ATP2B2: variants seen among roughly 807,000 people sequenced by gnomAD.
ATP2B2 encodes the protein plasma membrane calcium-transporting ATPase 2.
In ATP2B2, 15 loss-of-function variants were observed where a neutral mutation model predicts 120.0. The observed-to-expected ratio is 0.12, with a 90% confidence interval of 0.08 to 0.19. ATP2B2 has a LOEUF of 0.19. ATP2B2 is among the 10% of genes least tolerant of loss of function. ATP2B2 has a pLI of 1.00. For synonymous variants in ATP2B2, 694 were observed against 700.3 expected, an observed-to-expected ratio of 0.99 and a Z score of 0.14; for missense variants, 1,045 against 1,719.8, an observed-to-expected ratio of 0.61 and a Z score of 6.94.
chr3:10,540,808 T>C (rs888076016), intron 2 of ATP2B2, among the ~76,000 whole-genome samples: 1 of 151,766 alleles, frequency 6.6e-6, no homozygotes, highest in African/African-American at 2.4e-5. Flanking sequence ...ACATGGTACA[T>C]GTATACATAT....
At chr3:10,372,077 C>A (rs776659875) in intron 11 of ATP2B2, 26 bp from the exon 12 acceptor site, 2 of 1,613,876 alleles carry the variant, frequency 1.2e-6, no homozygotes, top group Admixed American at 3.3e-5. Flanking sequence ...GGTGAGAGGG[C>A]AACAGTGAGG....
intron 2 of ATP2B2, among the ~76,000 whole-genome samples, chr3:10,436,683 G>C (rs1274978540): frequency 6.6e-6 from 1 of 152,158 alleles, no homozygotes. Context: ...CTCCAACTTG[G>C]AGAGCCCACT....
intron 1 of ATP2B2, among the ~76,000 whole-genome samples, chr3:10,453,024 T>C (rs528801401): frequency 3.3e-5 from 5 of 152,364 alleles, no homozygotes; most frequent in African/African-American, 1.2e-4. Flanking sequence ...GCTACTGATA[T>C]ATAACATTGC....
At chr3:10,488,531 T>C (rs1005462052) in intron 1 of ATP2B2, among the ~76,000 whole-genome samples, 15 of 107,112 alleles carry the variant, frequency 1.4e-4, no homozygotes, top group South Asian at 9.3e-4. Context: ...TCCTTCCTTC[T>C]TTCCTTCCTT....
chr3:10,662,670 G>A (rs59308498), intron 1 of ATP2B2, among the ~76,000 whole-genome samples: 32,638 of 150,958 alleles, frequency 0.22, 5,898 homozygotes, highest in African/African-American at 0.49. Context: ...CATCTATTGT[G>A]GAAGACTGTG....
chr3:10,434,315 T>G (rs746357494), intron 2 of ATP2B2, among the ~76,000 whole-genome samples: 10 of 152,256 alleles, frequency 6.6e-5, no homozygotes, highest in Non-Finnish European at 1.5e-4. Context: ...TGATCTCCTG[T>G]GGCCCTGGCA....
intron 1 of ATP2B2, among the ~76,000 whole-genome samples, chr3:10,650,325 G>A (rs2070424536): frequency 6.6e-6 from 1 of 152,164 alleles, no homozygotes; most frequent in Non-Finnish European, 1.5e-5. Context: ...CCCTGCCCTA[G>A]AGATTTGTGG....
intron 1 of ATP2B2, among the ~76,000 whole-genome samples, chr3:10,632,342 C>T (rs975601731): frequency 2.0e-5 from 3 of 152,208 alleles, no homozygotes; most frequent in African/African-American, 4.8e-5. Context: ...CCCGTTTTCA[C>T]GCAGCATGAC....
chr3:10,388,341 C>T lies in ATP2B2; in HGVS notation c.843G>A (p.Gln281=). The T allele has an allele frequency of 6.2e-7, 1 of 1,614,198 alleles. No individual in the cohort carries two copies. Among genetic ancestry groups the T allele is most frequent in the Admixed American group, 1.7e-5 (1 of 60,030 alleles). Residue 281 remains glutamine (Q), a synonymous_variant, in exon 6 of 23, where the codon CAG becomes CAA. Coordinates refer to ENST00000360273, the MANE Select transcript of ATP2B2 (RefSeq NM_001001331.4). ...CCAGGAGGGTAAAGATGATGCCAGT[C>T]TGAGAGTTCACACCCACAGCAGTCA... ...MLVTAVGVNS[Q]TGIIFTLLGA... is the part of the protein sequence containing the mutation.
chr3:10,464,230 C>A (rs181012297), intron 1 of ATP2B2, among the ~76,000 whole-genome samples: 1 of 152,134 alleles, frequency 6.6e-6, no homozygotes, highest in Admixed American at 6.5e-5. Flanking sequence ...CACTCCCCAG[C>A]GCAGCCGAGT....
intron 1 of ATP2B2, among the ~76,000 whole-genome samples, chr3:10,623,588 G>C (rs140166990): frequency 6.6e-6 from 1 of 152,280 alleles, no homozygotes; most frequent in Admixed American, 6.5e-5. Context: ...TTTATCCTTC[G>C]AAAGTTCAGG....
intron 2 of ATP2B2, among the ~76,000 whole-genome samples, chr3:10,563,085 C>A (rs200851524): frequency 6.6e-6 from 1 of 152,176 alleles, no homozygotes; most frequent in Non-Finnish European, 1.5e-5. Context: ...TTCTGTTTTT[C>A]CTTTTTTAAA....
chr3:10,413,236 T>C (rs6801684), intron 2 of ATP2B2, among the ~76,000 whole-genome samples: 3,199 of 152,278 alleles, frequency 0.021, 109 homozygotes, highest in African/African-American at 0.072. Context: ...TCCAGCAGCC[T>C]GTGGTTTGGG....
intron 1 of ATP2B2, among the ~76,000 whole-genome samples, chr3:10,672,092 A>T (rs2071114063): frequency 6.6e-6 from 1 of 152,214 alleles, no homozygotes. Context: ...AACAATTGAT[A>T]AGGTGTTTTG....
At chr3:10,454,586 G>A (rs1248526264) in intron 1 of ATP2B2, among the ~76,000 whole-genome samples, 2 of 152,140 alleles carry the variant, frequency 1.3e-5, no homozygotes, top group African/African-American at 4.8e-5. Flanking sequence ...CCCCTTTTCT[G>A]GGCATTTTGT....
rs58466640 is a variant in ATP2B2, at chr3:10,597,063, C to CCACACA, written c.-415+22848_-415+22853dup. 2.6e-3 allele frequency among the ~76,000 whole-genome samples: 373 copies of CCACACA among 142,940 alleles called. 2 individuals are homozygous for CCACACA. The highest frequency in any genetic ancestry group is 5.4e-3 in the Admixed American group (79 of 14,570). 93.8% of individuals were successfully genotyped at this position (142,940 alleles called of 152,430 possible). A position where few individuals can be genotyped will look rare whatever the true frequency, so the allele number is the denominator to read the frequency against. On this transcript the variant is annotated intron_variant, in intron 2 of 21. Coordinates refer to the ATP2B2 transcript ENST00000646379. ...CACACAGGTGCGCACACACACAGGG[C>CCACACA]CACACACACACACACACACACAGGC...
At chr3:10,410,525 G>T (rs1012347752) in intron 3 of ATP2B2, 93 bp downstream of exon 3, 1 of 1,431,594 alleles carries the variant, frequency 7.0e-7, no homozygotes, top group African/African-American at 1.4e-5. Context: ...CCCCTGGGAG[G>T]AGAGGATTAT....
chr3:10,437,300 C>G (rs1289867464), intron 2 of ATP2B2, among the ~76,000 whole-genome samples: 1 of 152,218 alleles, frequency 6.6e-6, no homozygotes, highest in Admixed American at 6.5e-5. Flanking sequence ...ATGGTCTCCA[C>G]TTCCAGGGGT....
intron 22 of ATP2B2, among the ~76,000 whole-genome samples, chr3:10,334,086 C>G (rs2060052711): frequency 1.3e-5 from 2 of 152,238 alleles, no homozygotes; most frequent in African/African-American, 4.8e-5. Flanking sequence ...TTTGAGCGGA[C>G]AGCTCTAGCT....
Sources: allele counts gnomAD v4.1 joint callset (sites outside exome capture counted in the v4.1 genomes callset), GRCh38; gene constraint gnomAD v4.1.1; transcripts MANE v1.5; gene names NCBI Gene and HGNC (gene_info 2026-07-23, HGNC 2026-07-21).